DIAPH1: variants seen among roughly 807,000 people sequenced by gnomAD.
The protein encoded by DIAPH1 is protein diaphanous homolog 1.
Under a neutral mutation model 140.7 loss-of-function variants are expected in DIAPH1, and 46 were observed. That is an observed-to-expected ratio of 0.33 (90% CI 0.26 to 0.42). The LOEUF (loss-of-function observed/expected upper bound fraction) is 0.42. Among genes scored for constraint, DIAPH1 ranks in the 10% least tolerant of loss-of-function variants. DIAPH1 has a pLI of 1.00. For missense variants in DIAPH1, 1,310 were observed against 1,558.7 expected, an observed-to-expected ratio of 0.84 and a Z score of 2.69; for synonymous variants, 565 against 551.6, an observed-to-expected ratio of 1.02 and a Z score of -0.34.
intron 18 of DIAPH1, 59 bp downstream of exon 18, chr5:141,571,369 T>G: frequency 1.4e-6 from 2 of 1,381,250 alleles, no homozygotes; most frequent in South Asian, 1.2e-5. Context: ...TTTATATCTA[T>G]TTCATCTTTT....
intron 24 of DIAPH1, 112 bp downstream of exon 24, chr5:141,527,461 T>C (rs1270122973): frequency 3.3e-6 from 4 of 1,198,478 alleles, no homozygotes; most frequent in Admixed American, 5.4e-5. Context: ...AGAAAAAGAG[T>C]TTTTTAAGAG....
chr5:141,532,622 T>C (rs1268402255), intron 19 of DIAPH1, among the ~76,000 whole-genome samples: 1 of 152,236 alleles, frequency 6.6e-6, no homozygotes, highest in Non-Finnish European at 1.5e-5. Context: ...TCATAGCATT[T>C]ATTAATCTGC....
intron 18 of DIAPH1, among the ~76,000 whole-genome samples, chr5:141,547,079 G>T (rs1003001370): frequency 6.6e-6 from 1 of 152,156 alleles, no homozygotes; most frequent in Admixed American, 6.5e-5. Context: ...TCCCAAAAAG[G>T]ACTTTAAAAT....
intron 18 of DIAPH1, among the ~76,000 whole-genome samples, chr5:141,554,860 T>A (rs1265743425): frequency 6.6e-6 from 1 of 152,072 alleles, no homozygotes. Context: ...GAATAAATAG[T>A]CTTAGCATAT....
At chr5:141,533,461 T>TC (rs1283631988) in intron 19 of DIAPH1, among the ~76,000 whole-genome samples, 1 of 152,228 alleles carries the variant, frequency 6.6e-6, no homozygotes, top group African/African-American at 2.4e-5. Context: ...GAGTTACTGA[T>TC]CCTACTCTGA....
In DIAPH1 at chr5:141,525,581, C is replaced by T. The variant is rs543125362; in HGVS notation, c.3574+457G>A. Among the ~76,000 whole-genome samples the T allele has an allele frequency of 5.3e-5, 8 of 152,254 alleles. No individual in the cohort carries two copies. The South Asian group carries it at 1.7e-3, about 32-fold the overall frequency. ...TCAATCCATTTAAAATCTAATTGTG[C>T]ATACAACTGTGCTAAGGTACTAGGG... On this transcript the variant is annotated intron_variant, in intron 26 of 27. Transcript: ENST00000389054.
chr5:141,610,920 A>G (rs1336534055), intron 1 of DIAPH1, among the ~76,000 whole-genome samples: 3 of 151,680 alleles, frequency 2.0e-5, no homozygotes, highest in Admixed American at 6.6e-5. Context: ...ATAAAAAAAA[A>G]AAAAAGAAAA....
chr5:141,516,707 A>G lies in DIAPH1; in HGVS notation c.*144T>C, dbSNP rs2099885737. 4.5e-6 allele frequency: 4 copies of G among 880,676 alleles called. No homozygotes were observed. Among genetic ancestry groups the G allele is most frequent in the South Asian group, 1.5e-5 (1 of 68,782 alleles). 54.6% of individuals were successfully genotyped at this position (880,676 alleles called of 1,614,324 possible). ...CTGAAGCTGTATGTGATGTTGAGAG[A>G]GCAGCAGGCCAGAGAGAAAGACAGG... is the stretch of plus-strand genomic sequence containing the variant. On this transcript the variant is annotated 3_prime_UTR_variant, in exon 28 of 28. Transcript: ENST00000389054.
Position 141,569,484 on chromosome 5 carries a change from C to T in DIAPH1, c.2482+1944G>A, listed in dbSNP as rs768774223. Among the ~76,000 whole-genome samples, 4 of 152,208 alleles carry T rather than the reference C, an allele frequency of 2.6e-5. No individual in the cohort carries two copies. The South Asian group carries it at 6.2e-4, about 24-fold the overall frequency. ...ACTTTTAAAAAGTAGTAAGGATGGC[C>T]GGGCACAGTGGCTCATGCCTGTAAT... On this transcript the variant is annotated intron_variant, in intron 18 of 27. Transcript: ENST00000389054.
intron 18 of DIAPH1, among the ~76,000 whole-genome samples, chr5:141,549,733 C>T (rs1272033453): frequency 6.6e-6 from 1 of 151,890 alleles, no homozygotes; most frequent in East Asian, 1.9e-4. Context: ...GGATATTAAG[C>T]AAATATATAA....
rs771543557 is a variant in DIAPH1, at chr5:141,541,954, A to G, written c.2483-7521T>C. Among the ~76,000 whole-genome samples the G allele has an allele frequency of 4.3e-4, 65 of 152,214 alleles. 1 individual carries two copies. Among genetic ancestry groups the G allele is most frequent in the Non-Finnish European group, 2.4e-4 (16 of 68,040 alleles). On this transcript the variant is annotated intron_variant, in intron 18 of 27. Transcript: ENST00000389054. ...CATAAAATTCAACATTGAAAGATGT[A>G]TATTTTCCCCAAATCGATCTACAGA...
At chr5:141,575,833 AT>A (rs1173630546) in intron 14 of DIAPH1, among the ~76,000 whole-genome samples, 2 of 152,156 alleles carry the variant, frequency 1.3e-5, no homozygotes, top group African/African-American at 4.8e-5. Context: ...ATTAACCACA[AT>A]AAACGTTCTT....
chr5:141,549,878 T>G (rs2099891418), intron 18 of DIAPH1, among the ~76,000 whole-genome samples: 1 of 152,152 alleles, frequency 6.6e-6, no homozygotes. Flanking sequence ...CCTCAATATT[T>G]CAGTAATTAC....
At chr5:141,599,514 G>A (rs1474794946) in intron 1 of DIAPH1, among the ~76,000 whole-genome samples, 1 of 152,162 alleles carries the variant, frequency 6.6e-6, no homozygotes, top group Non-Finnish European at 1.5e-5. Context: ...AGGTTTTTGT[G>A]TTCTTGGCTC....
At chr5:141,572,506 A>G (rs969339409) in intron 16 of DIAPH1, among the ~76,000 whole-genome samples, 4 of 152,176 alleles carry the variant, frequency 2.6e-5, no homozygotes, top group Non-Finnish European at 5.9e-5. Context: ...GTGCATGCAA[A>G]TATGGCCTAT....
intron 18 of DIAPH1, among the ~76,000 whole-genome samples, chr5:141,539,418 G>GTTTTTTTTTT (rs57490035): frequency 1.5e-5 from 2 of 132,554 alleles, no homozygotes; most frequent in African/African-American, 2.7e-5. Flanking sequence ...GGGTAGTTTT[G>GTTTTTTTTTT]TTTTTTTTTT....
chr5:141,571,844 G>T (rs753739225), intron 17 of DIAPH1, 82 bp downstream of exon 17: 1 of 966,564 alleles, frequency 1.0e-6, no homozygotes, highest in Admixed American at 1.7e-5. Flanking sequence ...TTCACCCAGG[G>T]AAGGGAAGGG....
intron 18 of DIAPH1, chr5:141,558,341 C>G (rs1211598118): frequency 6.6e-6 from 1 of 152,086 alleles, no homozygotes; most frequent in Admixed American, 6.5e-5. Flanking sequence ...CAATAATGGA[C>G]TAATGACCCC....
intron 7 of DIAPH1, among the ~76,000 whole-genome samples, chr5:141,581,514 T>C (rs1001651813): frequency 2.0e-5 from 3 of 152,232 alleles, no homozygotes; most frequent in African/African-American, 7.2e-5. Flanking sequence ...CTTTGATTTA[T>C]ATGTTTCTTG....
Sources: allele counts gnomAD v4.1 joint callset (sites outside exome capture counted in the v4.1 genomes callset), GRCh38; gene constraint gnomAD v4.1.1; transcripts MANE v1.5; gene names NCBI Gene and HGNC (gene_info 2026-07-23, HGNC 2026-07-21).